The following XRCC1 variants were observed in gnomAD, a reference collection of about 807,000 sequenced individuals.
The protein encoded by XRCC1 is DNA repair protein XRCC1.
Under a neutral mutation model 83.3 loss-of-function variants are expected in XRCC1, and 52 were observed. The ratio of observed to expected loss-of-function variants is 0.62; its 90% CI spans 0.50 to 0.79. XRCC1 has a LOEUF of 0.79. Among genes scored for constraint, XRCC1 ranks in the 30% least tolerant of loss-of-function variants. The pLI is 0.00. For synonymous variants in XRCC1, 281 were observed against 312.6 expected (o/e 0.90, Z 1.07); for missense variants, 793 against 823.5 (o/e 0.96, Z 0.45).
chr19:43,568,589 G>GA (rs1303704106), intron 2 of XRCC1, among the ~76,000 whole-genome samples: 2 of 151,588 alleles, frequency 1.3e-5, no homozygotes, highest in East Asian at 3.9e-4. Flanking sequence ...ACTGTTACTT[G>GA]AAAAAAAACA....
chr19:43,559,280 G>A (rs1972671605), intron 3 of XRCC1, among the ~76,000 whole-genome samples: 1 of 151,624 alleles, frequency 6.6e-6, no homozygotes, highest in Non-Finnish European at 1.5e-5. Flanking sequence ...TCAGGAGATC[G>A]AGACCATCCT....
intron 10 of XRCC1, among the ~76,000 whole-genome samples, chr19:43,550,091 T>C (rs1270500232): frequency 6.6e-6 from 1 of 152,104 alleles, no homozygotes; most frequent in East Asian, 1.9e-4. Flanking sequence ...AAACCTTCTG[T>C]GACTCCCCTC....
chr19:43,557,350 T>G (rs1314562096), intron 3 of XRCC1, among the ~76,000 whole-genome samples: 4 of 150,242 alleles, frequency 2.7e-5, no homozygotes, highest in South Asian at 2.1e-4. Flanking sequence ...CAGCCACTTT[T>G]GGTTGGGTAT....
intron 8 of XRCC1, 101 bp downstream of exon 8, chr19:43,552,696 G>C: frequency 8.5e-7 from 1 of 1,173,942 alleles, no homozygotes. Context: ...CAGGCCCCCA[G>C]CCCTTCCTCC....
chr19:43,567,268 T>TA (rs35436804), intron 2 of XRCC1, among the ~76,000 whole-genome samples: 3,379 of 143,530 alleles, frequency 0.024, 50 homozygotes, highest in Middle Eastern at 0.05. Flanking sequence ...GTCAATATGC[T>TA]AAAAAAAAAA....
rs757939800 is a variant in XRCC1, at chr19:43,552,922, G to A, written c.712-14C>T. The A allele has an allele frequency of 3.8e-5, 62 of 1,612,498 alleles. No homozygotes were observed. Among genetic ancestry groups the A allele is most frequent in the Non-Finnish European group, 3.1e-5 (37 of 1,179,352 alleles). On this transcript the variant is annotated splice_polypyrimidine_tract_variant and intron_variant, in intron 7 of 16. Coordinates refer to ENST00000262887, the MANE Select transcript of XRCC1 (RefSeq NM_006297.3). ...AGACTCCTGGGGCTGAGGGGATGGG[G>A]ATGGATTGAGGCCTCCAGCTTCTCT... is the stretch of plus-strand genomic sequence containing the variant.
At chr19:43,560,865 G>A in intron 3 of XRCC1, 45 bp downstream of exon 3, 1 of 1,499,340 alleles carries the variant, frequency 6.7e-7, no homozygotes, top group South Asian at 1.1e-5. Context: ...ATGCGAGCAT[G>A]AGGGGCAGAG....
intron 3 of XRCC1, among the ~76,000 whole-genome samples, chr19:43,558,319 A>C (rs1011943415): frequency 7.9e-6 from 1 of 126,680 alleles, no homozygotes; most frequent in East Asian, 2.8e-4. Flanking sequence ...TGGGTGACAA[A>C]GTGAGACCTC....
chr19:43,553,110 G>A lies in XRCC1; in HGVS notation c.602-19C>T, dbSNP rs370349287. 1.3e-6 allele frequency: 2 copies of A among 1,553,040 alleles called. No individual in the cohort carries two copies. Among genetic ancestry groups the A allele is most frequent in the African/African-American group, 2.7e-5 (2 of 73,380 alleles). On this transcript the variant is annotated intron_variant, in intron 6 of 16. Transcript: ENST00000262887. Reference sequence around the variant, plus strand: ...GCTGTGACTATGAAGGGAGAAAGTGGATCCAGGATGAGAGGGCTGAGCCCC... The same window carrying A: ...GCTGTGACTATGAAGGGAGAAAGTGAATCCAGGATGAGAGGGCTGAGCCCC...
chr19:43,569,581 G>A (rs567930828), intron 2 of XRCC1, among the ~76,000 whole-genome samples: 1 of 152,058 alleles, frequency 6.6e-6, no homozygotes, highest in African/African-American at 2.4e-5. Flanking sequence ...TCAGGAGTTC[G>A]AGACCAGCCT....
rs370495012 is a variant in XRCC1 at position 43,553,515 on chromosome 19, A to G, written c.490-3T>C. The G allele has an allele frequency of 7.4e-6, 12 of 1,613,860 alleles. No homozygotes were observed. The African/African-American group carries it at 1.2e-4, about 16-fold the overall frequency. Reference sequence around the variant, plus strand: ...CCAAGCTTGGTCACTGTCACCTTCTAAGGTCCCGCAAGGTCAGTATTATAG... The same window carrying G: ...CCAAGCTTGGTCACTGTCACCTTCTGAGGTCCCGCAAGGTCAGTATTATAG... On this transcript the variant is annotated splice_polypyrimidine_tract_variant and splice_region_variant and intron_variant, in intron 5 of 16. Coordinates refer to ENST00000262887, the MANE Select transcript of XRCC1 (RefSeq NM_006297.3).
chr19:43,546,448 G>A (rs1972511129), intron 12 of XRCC1, 147 bp downstream of exon 12: 5 of 921,954 alleles, frequency 5.4e-6, no homozygotes, highest in Non-Finnish European at 8.0e-6. Context: ...TCAGACCCAG[G>A]AGTCCAGGTC....
intron 10 of XRCC1, among the ~76,000 whole-genome samples, chr19:43,549,962 A>C (rs1972558953): frequency 6.6e-6 from 1 of 151,962 alleles, no homozygotes; most frequent in South Asian, 2.1e-4. Flanking sequence ...TCTGCCCCAG[A>C]TATAGCACCA....
At position 43,546,033 on chromosome 19, in the gene XRCC1, C is replaced by A. The variant is rs771156998; in HGVS notation, c.1481+19G>T. 112 of 1,613,748 alleles carry A rather than the reference C, an allele frequency of 6.9e-5. No homozygotes were observed. Among genetic ancestry groups the A allele is most frequent in the Non-Finnish European group, 9.2e-5 (108 of 1,179,842 alleles). On this transcript the variant is annotated intron_variant, in intron 13 of 16. Coordinates refer to ENST00000262887, the MANE Select transcript of XRCC1 (RefSeq NM_006297.3). ...ACACCCAAGGCCAGGGACACCCCAA[C>A]CCCCAGCCCCAGCCCTACCTCCTCA...
Position 43,546,426 on chromosome 19 carries a change from G to C in XRCC1, c.1426+169C>G, listed in dbSNP as rs3213389. Among the ~76,000 whole-genome samples the C allele has an allele frequency of 0.017, 1,996 of 116,150 alleles. 21 individuals carry two copies. The highest frequency in any genetic ancestry group is 0.035 in the Middle Eastern group (8 of 226). The allele number at this position is 116,150 out of a possible 152,430, so 76.2% of individuals were successfully genotyped here. A position where few individuals can be genotyped will look rare whatever the true frequency, so the allele number is the denominator to read the frequency against. On this transcript the variant is annotated intron_variant, in intron 12 of 16. Coordinates refer to ENST00000262887, the MANE Select transcript of XRCC1 (RefSeq NM_006297.3). ...TCAGACCCAGGAGTCCAGGCCCCCA[G>C]CCCCTCATCCCTCAGACCCAGGAGT...
intron 14 of XRCC1, 120 bp from the exon 15 acceptor site, chr19:43,544,354 T>A (rs967886683): frequency 2.4e-6 from 2 of 843,014 alleles, no homozygotes; most frequent in Non-Finnish European, 3.7e-6. Context: ...GGGCAGGGAT[T>A]GATGGCAGGC....
chr19:43,544,479 C>T (rs941517465), intron 14 of XRCC1, among the ~76,000 whole-genome samples: 1 of 151,300 alleles, frequency 6.6e-6, no homozygotes, highest in South Asian at 2.1e-4. Flanking sequence ...TGTTTCTGAC[C>T]GACAGGCTGG....
chr19:43,568,738 A>G (rs1456725329), intron 2 of XRCC1, among the ~76,000 whole-genome samples: 1 of 126,758 alleles, frequency 7.9e-6, no homozygotes, highest in East Asian at 2.4e-4. Context: ...GGAGAGAAGA[A>G]TGAGGGAGCA....
Position 43,552,808 on chromosome 19 carries a change from T to C in XRCC1, c.812A>G (p.Lys271Arg), listed in dbSNP as rs773424530. The C allele has an allele frequency of 2.5e-6, 4 of 1,609,172 alleles. No individual in the cohort carries two copies. The South Asian group carries it at 4.4e-5, about 18-fold the overall frequency. The change falls in exon 8 of 17, where the codon AAG becomes AGG. Residue 271 changes from lysine to arginine, a missense_variant. By Grantham distance (26) the Lys-to-Arg change is conservative (BLOSUM62 2). Transcript: ENST00000262887. ...PPAQLSPSVPKRPKLPAPTRT... is the reference protein window; with the variant it reads ...PPAQLSPSVPRRPKLPAPTRT... Reference sequence around the variant, plus strand: ...TCTAGTTAGCTCACATTTAGGTCTCTTGGGAACAGATGGCGACAGCTGGGC... The same window carrying C: ...TCTAGTTAGCTCACATTTAGGTCTCCTGGGAACAGATGGCGACAGCTGGGC...
Sources: gnomAD v4.1 joint callset for allele counts (sites outside exome capture counted in the v4.1 genomes callset) on GRCh38, gnomAD v4.1.1 for gene constraint, MANE v1.5 for transcripts, NCBI Gene and HGNC (gene_info 2026-07-23, HGNC 2026-07-21) for gene names.